CLEC2D: variants seen among roughly 807,000 people sequenced by gnomAD.
CLEC2D encodes C-type lectin domain family 2 member D.
A neutral mutation model predicts 20.0 loss-of-function variants in CLEC2D; 16 were observed. The observed-to-expected ratio is 0.80, with a 90% CI of 0.54 to 1.22. CLEC2D has a LOEUF of 1.22. Ranked by LOEUF, CLEC2D falls within the 50% of genes most tolerant of loss-of-function variation. The probability of loss-of-function intolerance (pLI) is 0.00; values close to 1 mark genes in which losing one functional copy is unlikely to be tolerated. For missense variants in CLEC2D, 207 were observed against 221.5 expected, an observed-to-expected ratio of 0.93 and a Z score of 0.42; for synonymous variants, 77 against 71.1, an observed-to-expected ratio of 1.08 and a Z score of -0.42.
intron 1 of CLEC2D, chr12:9,674,268 C>G (rs1376415764): frequency 6.6e-6 from 1 of 152,262 alleles, no homozygotes; most frequent in Non-Finnish European, 1.5e-5. Context: ...ATCTTCTGAT[C>G]TGCAGATTGC....
intron 4 of CLEC2D, among the ~76,000 whole-genome samples, chr12:9,694,417 G>A (rs899555519): frequency 6.6e-6 from 1 of 152,186 alleles, no homozygotes; most frequent in African/African-American, 2.4e-5. Context: ...AATAGCTGCT[G>A]AGTCTTCAGT....
At chr12:9,684,173 G>A (rs1443184723) in intron 2 of CLEC2D, among the ~76,000 whole-genome samples, 1 of 152,074 alleles carries the variant, frequency 6.6e-6, no homozygotes, top group Non-Finnish European at 1.5e-5. Flanking sequence ...TTGGCTCTCT[G>A]TTTGTCTGTT....
At chr12:9,679,690 A>G (rs1323575696) in intron 1 of CLEC2D, among the ~76,000 whole-genome samples, 1 of 152,206 alleles carries the variant, frequency 6.6e-6, no homozygotes, top group East Asian at 1.9e-4. Flanking sequence ...ACTGATAAAA[A>G]CTAAAATCTA....
intron 1 of CLEC2D, among the ~76,000 whole-genome samples, chr12:9,670,154 G>A (rs1865383492): frequency 6.6e-6 from 1 of 152,118 alleles, no homozygotes; most frequent in African/African-American, 2.4e-5. Context: ...TATCATGGAA[G>A]CTCTTAAGAG....
rs77801104 is a variant in CLEC2D at position 9,674,875 on chromosome 12, G to A, written c.61+5080G>A. Among the ~76,000 whole-genome samples, 426 of 152,212 alleles carry A rather than the reference G, an allele frequency of 2.8e-3. 3 individuals are homozygous for A. Among genetic ancestry groups the A allele is most frequent in the African/African-American group, 9.7e-3 (401 of 41,544 alleles). On this transcript the variant is annotated intron_variant, in intron 1 of 4. Coordinates refer to ENST00000290855, the MANE Select transcript of CLEC2D (RefSeq NM_013269.6). ...GTGCCTTTGGTATTATATTTAAAAA[G>A]TCATCACCATACCCAAAGTTATCTA...
chr12:9,681,033 G>A lies in CLEC2D; in HGVS notation c.172G>A (p.Ala58Thr), dbSNP rs866229731. ...GTGTGGAATGGTTGCTGCTTTAAGC[G>A]GTAAGTGAACTGTAATCTTTATTCA... ...IVCGMVAALS[A>T]IRANCHQEPS... The change falls in exon 2 of 5, where the codon GCA (alanine) becomes ACA (threonine). Residue 58 changes from alanine (A) to threonine (T), a missense_variant and splice_region_variant. Ala to Thr is a moderately conservative substitution (Grantham distance 58, BLOSUM62 0). Coordinates refer to ENST00000290855, the MANE Select transcript of CLEC2D (RefSeq NM_013269.6). The A allele has an allele frequency of 8.4e-6, 12 of 1,421,470 alleles. No individual in the cohort carries two copies. Among genetic ancestry groups the A allele is most frequent in the South Asian group, 2.3e-5 (2 of 86,134 alleles). 88.1% of individuals were successfully genotyped at this position (1,421,470 alleles called of 1,614,324 possible).
intron 1 of CLEC2D, 29 bp from the exon 2 acceptor site, chr12:9,680,894 T>C (rs764588964): frequency 3.6e-6 from 4 of 1,110,796 alleles, no homozygotes; most frequent in Non-Finnish European, 5.5e-6. Context: ...TATTTAATTG[T>C]TAAAATGTTT....
chr12:9,692,875 G>A lies in CLEC2D; in HGVS notation c.405G>A (p.Leu135=). 1 of 1,613,650 alleles carries A rather than the reference G, an allele frequency of 6.2e-7. No homozygotes were observed. The highest frequency in any genetic ancestry group is 8.5e-7 in the Non-Finnish European group (1 of 1,179,768). The stretch of plus-strand genomic sequence containing the variant: ...GCCCATCTGATCACTGGATTGGGCT[G>A]AGCAGAGAACAAGGCCAACCATGGA... ...YKGPSDHWIG[L]SREQGQPWKW... is the part of the protein sequence containing the mutation. The change falls in exon 4 of 5, where the codon CTG becomes CTA. Residue 135 remains leucine, a synonymous_variant. Transcript: ENST00000290855.
rs1866058655 is a variant in CLEC2D at position 9,698,694 on chromosome 12, G to A, written c.*3820G>A. On this transcript the variant is annotated 3_prime_UTR_variant, in exon 5 of 5. Transcript: ENST00000290855. ...TAAAAAATGTTTCTGCACAGCAAAG[G>A]AAATAATTAATGGAGTAAAGAGACA... The A allele has an allele frequency of 1.3e-5, 2 of 152,122 alleles. No individual in the cohort carries two copies. Among genetic ancestry groups the A allele is most frequent in the Admixed American group, 1.3e-4 (2 of 15,276 alleles). The allele number at this position is 152,122 out of a possible 1,614,324, so 9.4% of individuals were successfully genotyped here.
At chr12:9,682,167 T>A (rs1250885858) in intron 2 of CLEC2D, among the ~76,000 whole-genome samples, 2 of 152,222 alleles carry the variant, frequency 1.3e-5, no homozygotes, top group African/African-American at 4.8e-5. Context: ...TGGAGCCATC[T>A]TCTAATCTGG....
In CLEC2D at chr12:9,697,480, C is replaced by G. The variant is rs1012519451; in HGVS notation, c.*2606C>G. Reference sequence around the variant, plus strand: ...ATAAATACATGGGTAAATCTCTGTTCTGGGCTCTCAGCTCTGAAGGCTGTG... The same window carrying G: ...ATAAATACATGGGTAAATCTCTGTTGTGGGCTCTCAGCTCTGAAGGCTGTG... On this transcript the variant is annotated 3_prime_UTR_variant, in exon 5 of 5. Transcript: ENST00000290855. The G allele has an allele frequency of 6.6e-6, 1 of 152,122 alleles. No individual in the cohort carries two copies. Among genetic ancestry groups the G allele is most frequent in the African/African-American group, 2.4e-5 (1 of 41,432 alleles). 9.4% of individuals were successfully genotyped at this position (152,122 alleles called of 1,614,324 possible). A position where few individuals can be genotyped will look rare whatever the true frequency, so the allele number is the denominator to read the frequency against.
At chr12:9,694,484 C>T (rs1181254521) in intron 4 of CLEC2D, among the ~76,000 whole-genome samples, 1 of 152,080 alleles carries the variant, frequency 6.6e-6, no homozygotes, top group Admixed American at 6.6e-5. Flanking sequence ...CAGACTTCTC[C>T]CATCAGCCAG....
rs1865958237 is a variant in CLEC2D, at chr12:9,695,319, C to T, written c.*445C>T. 3.5e-6 allele frequency: 3 copies of T among 861,456 alleles called. No homozygotes were observed. Among genetic ancestry groups the T allele is most frequent in the South Asian group, 1.3e-5 (1 of 75,212 alleles). The allele number at this position is 861,456 out of a possible 1,614,324, so 53.4% of individuals were successfully genotyped here. A position where few individuals can be genotyped will look rare whatever the true frequency, so the allele number is the denominator to read the frequency against. ...TGTGATTCCGTCCTGCGCGGCTGTT[C>T]TCTGGAGCAGCATTCATTTATCTTC... is the stretch of plus-strand genomic sequence containing the variant. On this transcript the variant is annotated 3_prime_UTR_variant, in exon 5 of 5. Transcript: ENST00000290855.
At position 9,671,069 on chromosome 12, in the gene CLEC2D, C is replaced by T. The variant is rs781194348; in HGVS notation, c.61+1274C>T. On this transcript the variant is annotated intron_variant, in intron 1 of 4. Transcript: ENST00000290855. ...ATCCTCCAGCTAGAAATGCGGGCCT[C>T]CTTTTATTCTGATGAACCATATACT... is the stretch of plus-strand genomic sequence containing the variant. Among the ~76,000 whole-genome samples, 23 of 152,254 alleles carry T rather than the reference C, an allele frequency of 1.5e-4. 1 individual carries two copies. The highest frequency in any genetic ancestry group is 1.4e-3 in the Admixed American group (22 of 15,298).
rs202185044 is a variant in CLEC2D at position 9,693,093 on chromosome 12, G to A, written c.461+162G>A. On this transcript the variant is annotated intron_variant, in intron 4 of 4. Transcript: ENST00000290855. ...GTTGCAAAGGTTTCACAAGTTCCTC[G>A]AATGAATCCAAGACCTGTCATGGTG... 2.5e-4 allele frequency: 396 copies of A among 1,613,566 alleles called. No homozygotes were observed. The highest frequency in any genetic ancestry group is 3.0e-4 in the Non-Finnish European group (355 of 1,179,524).
intron 1 of CLEC2D, chr12:9,674,182 A>G (rs1199109385): frequency 2.0e-5 from 3 of 152,244 alleles, no homozygotes; most frequent in African/African-American, 4.8e-5. Flanking sequence ...ACAGCCACCA[A>G]TGGGAGTGGC....
In CLEC2D at chr12:9,697,332, C is replaced by G. The variant is rs1465772324; in HGVS notation, c.*2458C>G. On this transcript the variant is annotated 3_prime_UTR_variant, in exon 5 of 5. Coordinates refer to ENST00000290855, the MANE Select transcript of CLEC2D (RefSeq NM_013269.6). ...GCGATCTGTGCCTTAAGGACATGTT[C>G]CTGCTGCAGTTAACTAGCCCAATCT... 3.9e-5 allele frequency: 6 copies of G among 152,218 alleles called. No homozygotes were observed. The highest frequency in any genetic ancestry group is 6.5e-5 in the Admixed American group (1 of 15,274). 9.4% of individuals were successfully genotyped at this position (152,218 alleles called of 1,614,324 possible).
chr12:9,688,166 G>T, intron 3 of CLEC2D, 80 bp downstream of exon 3: 5 of 1,051,276 alleles, frequency 4.8e-6, no homozygotes, highest in Non-Finnish European at 5.0e-6. Flanking sequence ...TAAGAGGTAG[G>T]TTTAGACATC....
rs1866035217 is a variant in CLEC2D at position 9,697,910 on chromosome 12, A to G, written c.*3036A>G. 1 of 151,334 alleles carries G rather than the reference A, an allele frequency of 6.6e-6. No homozygotes were observed. The highest frequency in any genetic ancestry group is 2.1e-4 in the South Asian group (1 of 4,794). 9.4% of individuals were successfully genotyped at this position (151,334 alleles called of 1,614,324 possible). A position where few individuals can be genotyped will look rare whatever the true frequency, so the allele number is the denominator to read the frequency against. Reference sequence around the variant, plus strand: ...CTGAAAACTTGATGACAGATTTTAGATATTCTTACCACACAGACAAAAAGA... The same window carrying G: ...CTGAAAACTTGATGACAGATTTTAGGTATTCTTACCACACAGACAAAAAGA... On this transcript the variant is annotated 3_prime_UTR_variant, in exon 5 of 5. Coordinates refer to ENST00000290855, the MANE Select transcript of CLEC2D (RefSeq NM_013269.6).
Sources: gnomAD v4.1 joint callset for allele counts (sites outside exome capture counted in the v4.1 genomes callset) on GRCh38, gnomAD v4.1.1 for gene constraint, MANE v1.5 for transcripts, NCBI Gene and HGNC (gene_info 2026-07-23, HGNC 2026-07-21) for gene names.